RUBCN: variants seen among roughly 807,000 people sequenced by gnomAD.
RUBCN encodes run domain Beclin-1-interacting and cysteine-rich domain-containing protein.
In RUBCN, 74 loss-of-function variants were observed where a neutral mutation model predicts 113.2. The observed-to-expected ratio is 0.65, with a 90% confidence interval of 0.54 to 0.79. The LOEUF (loss-of-function observed/expected upper bound fraction) is 0.79, where lower values mean the gene tolerates loss of function less well. Ranked by LOEUF, RUBCN falls within the 30% of genes least tolerant of loss-of-function variation. RUBCN has a pLI of 0.00. For synonymous variants in RUBCN, 480 were observed against 490.0 expected (o/e 0.98, Z 0.27); for missense variants, 1,109 against 1,251.7 (o/e 0.89, Z 1.72).
chr3:197,725,497 C>T (rs1304495264), intron 1 of RUBCN, among the ~76,000 whole-genome samples: 1 of 144,920 alleles, frequency 6.9e-6, no homozygotes, highest in African/African-American at 2.5e-5. Context: ...CAGTCCCATA[C>T]ATTTCATGGC....
chr3:197,724,647 G>A (rs1390471528), intron 1 of RUBCN, among the ~76,000 whole-genome samples: 4 of 152,176 alleles, frequency 2.6e-5, no homozygotes, highest in Admixed American at 2.6e-4. Context: ...AGTGGAGGAA[G>A]AAAGATGTGA....
Position 197,670,859 on chromosome 3 carries a change from AC to A in RUBCN, c.*4158del, listed in dbSNP as rs1313654976. 6.6e-6 allele frequency among the ~76,000 whole-genome samples: 1 copy of A among 152,206 alleles called. No homozygotes were observed. Among genetic ancestry groups the A allele is most frequent in the Non-Finnish European group, 1.5e-5 (1 of 68,026 alleles). On this transcript the variant is annotated 3_prime_UTR_variant, in exon 20 of 20. Coordinates refer to ENST00000296343, the MANE Select transcript of RUBCN (RefSeq NM_014687.4). Reference sequence around the variant, plus strand: ...TGTGTCCTCTGATGATGACTGCTGGACAAACACAACAGGAGCAGTTGCAGAC... The same window carrying A: ...TGTGTCCTCTGATGATGACTGCTGGAAAACACAACAGGAGCAGTTGCAGAC...
Position 197,674,929 on chromosome 3 carries a change from A to T in RUBCN, c.*89T>A. The T allele has an allele frequency of 1.9e-6, 2 of 1,059,166 alleles. No individual in the cohort carries two copies. The highest frequency in any genetic ancestry group is 2.6e-6 in the Non-Finnish European group (2 of 755,230). The allele number at this position is 1,059,166 out of a possible 1,614,324, so 65.6% of individuals were successfully genotyped here. ...TAATTAAAAAAAAAAAAAAAAAAAG[A>T]AGCCCCAGGTGGGGCGAGTCCTTCA... On this transcript the variant is annotated 3_prime_UTR_variant, in exon 20 of 20. Transcript: ENST00000296343.
At chr3:197,687,673 GA>G (rs747745674) in intron 11 of RUBCN, among the ~76,000 whole-genome samples, 2 of 152,230 alleles carry the variant, frequency 1.3e-5, no homozygotes, top group African/African-American at 2.4e-5. Context: ...GCACCTGCCG[GA>G]AGAGCTTCCC....
intron 1 of RUBCN, among the ~76,000 whole-genome samples, chr3:197,745,697 T>G (rs988442050): frequency 1.3e-5 from 2 of 151,752 alleles, no homozygotes; most frequent in African/African-American, 4.8e-5. Context: ...GAAACATAGA[T>G]TTCTGTGCAC....
In RUBCN at chr3:197,676,984, C is replaced by T. The variant is rs1251996992; in HGVS notation, c.2547G>A (p.Leu849=). 1.4e-5 allele frequency: 22 copies of T among 1,614,122 alleles called. No individual in the cohort carries two copies. Among genetic ancestry groups the T allele is most frequent in the Non-Finnish European group, 1.9e-5 (22 of 1,180,036 alleles). The change falls in exon 18 of 20, where the codon CTG becomes CTA. Residue 849 remains leucine, a synonymous_variant. Coordinates refer to ENST00000296343, the MANE Select transcript of RUBCN (RefSeq NM_014687.4). The part of the protein sequence containing the change: ...VPGHLTEDLH[L]YSLNDLTATR... ...TCGCAGTCAGGTCATTCAGTGAGTA[C>T]AGGTGGAGGTCCTCTGTCAGGTGGC... is the stretch of plus-strand genomic sequence containing the variant.
Position 197,668,987 on chromosome 3 carries a change from T to G in RUBCN, c.*6031A>C, listed in dbSNP as rs760836090. Among the ~76,000 whole-genome samples, 1 of 148,192 alleles carries G rather than the reference T, an allele frequency of 6.7e-6. No individual in the cohort carries two copies. Among genetic ancestry groups the G allele is most frequent in the African/African-American group, 2.7e-5 (1 of 37,702 alleles). ...ACAGAACCACACTAATTTTTACGTATGTTTTCCTTATGTATTTTTTCTAAC... is the reference window on the plus strand; with the variant it reads ...ACAGAACCACACTAATTTTTACGTAGGTTTTCCTTATGTATTTTTTCTAAC... On this transcript the variant is annotated 3_prime_UTR_variant, in exon 20 of 20. Coordinates refer to ENST00000296343, the MANE Select transcript of RUBCN (RefSeq NM_014687.4).
At chr3:197,713,984 G>A (rs182889578) in intron 2 of RUBCN, among the ~76,000 whole-genome samples, 218 of 152,152 alleles carry the variant, frequency 1.4e-3, no homozygotes, top group Non-Finnish European at 2.1e-3. Flanking sequence ...GCTGAGGCAG[G>A]AGAATGGCGT....
chr3:197,738,485 T>C (rs944127236), upstream of RUBCN, among the ~76,000 whole-genome samples: 9 of 152,208 alleles, frequency 5.9e-5, no homozygotes, highest in Non-Finnish European at 1.2e-4. Context: ...TCATTTAGGT[T>C]AAAAAAATAC....
At chr3:197,740,043 G>GA (rs1385835092), upstream of RUBCN, among the ~76,000 whole-genome samples, 3 of 151,376 alleles carry the variant, frequency 2.0e-5, no homozygotes, top group Non-Finnish European at 2.9e-5. Context: ...GTCTTGGGGA[G>GA]AAAAAAAAGA....
At chr3:197,745,678 AC>A (rs1728714126) in intron 1 of RUBCN, among the ~76,000 whole-genome samples, 1 of 152,020 alleles carries the variant, frequency 6.6e-6, no homozygotes, top group Admixed American at 6.6e-5. Context: ...AGAGTTTACT[AC>A]CTTTGAAGAA....
At chr3:197,741,746 C>T (rs145851065), upstream of RUBCN, among the ~76,000 whole-genome samples, 1,530 of 151,866 alleles carry the variant, frequency 0.01, 28 homozygotes, top group East Asian at 0.048. Context: ...TCCCTTGAAC[C>T]CAGGAGGTGG....
chr3:197,681,720 C>T lies in RUBCN; in HGVS notation c.2191+115G>A. 2 of 899,686 alleles carry T rather than the reference C, an allele frequency of 2.2e-6. No individual in the cohort carries two copies. The highest frequency in any genetic ancestry group is 2.5e-4 in the Middle Eastern group (1 of 3,978). The allele number at this position is 899,686 out of a possible 1,614,324, so 55.7% of individuals were successfully genotyped here. ...CTACTACGAACCTTTCTTTCTCCTT[C>T]CCTACTTCTGCCACGCCACCTCCTG... On this transcript the variant is annotated intron_variant, in intron 15 of 19. Transcript: ENST00000296343. This position sits in a 1 kb window ranked among gnomAD's most constrained non-coding sequence, Gnocchi z 5.5.
chr3:197,676,277 T>G, intron 18 of RUBCN: 1 of 991,882 alleles, frequency 1.0e-6, no homozygotes, highest in African/African-American at 1.7e-5. Context: ...CGGCCGAGGG[T>G]AGACTCCCTC....
chr3:197,684,995 A>G (rs1362548413), intron 11 of RUBCN, among the ~76,000 whole-genome samples: 1 of 152,204 alleles, frequency 6.6e-6, no homozygotes, highest in Non-Finnish European at 1.5e-5. Context: ...ACTTCTCTAC[A>G]GCTTTGCAGC....
rs1720212158 is a variant in RUBCN, at chr3:197,675,131, G to T, written c.2806C>A (p.Gln936Lys). The T allele has an allele frequency of 2.5e-6, 4 of 1,613,800 alleles. No individual in the cohort carries two copies. Among genetic ancestry groups the T allele is most frequent in the East Asian group, 2.2e-5 (1 of 44,900 alleles). The part of the protein sequence containing the change: ...SGSCPRCERL[Q>K]ARREALARQS... The stretch of plus-strand genomic sequence containing the variant: ...CTGGCCAGTGCCTCCCGCCGGGCCT[G>T]CAGCCGCTCGCAGCGCGGACAGCTT... Residue 936 changes from glutamine (Q) to lysine (K), a missense_variant, in exon 20 of 20, where the codon CAG (glutamine) becomes AAG (lysine). This residue lies in a region of RUBCN where 306 missense variants were observed against 348.9 expected (regional missense o/e 0.88). Transcript: ENST00000296343. This position sits in a 1 kb window ranked among gnomAD's most constrained non-coding sequence, Gnocchi z 4.4.
At chr3:197,742,195 A>T (rs534220999) in intron 1 of RUBCN, among the ~76,000 whole-genome samples, 29 of 152,250 alleles carry the variant, frequency 1.9e-4, no homozygotes, top group African/African-American at 6.3e-4. Flanking sequence ...TGAAAATTTT[A>T]AAAATCTTAT....
intron 1 of RUBCN, among the ~76,000 whole-genome samples, chr3:197,731,504 G>A (rs1328254728): frequency 2.0e-5 from 3 of 152,232 alleles, no homozygotes; most frequent in Non-Finnish European, 4.4e-5. Context: ...TCAATGAGCT[G>A]TTGGGTACAC....
At chr3:197,711,698 C>A (rs1197321241) in intron 2 of RUBCN, among the ~76,000 whole-genome samples, 2 of 151,890 alleles carry the variant, frequency 1.3e-5, no homozygotes, top group African/African-American at 2.4e-5. Context: ...AAAAAAAATT[C>A]TCTGTAAGGA....
Sources: allele counts gnomAD v4.1 joint callset (sites outside exome capture counted in the v4.1 genomes callset), GRCh38; gene constraint gnomAD v4.1.1; regional missense constraint gnomAD v4.1.1; non-coding constraint Gnocchi (gnomAD v3.1); transcripts MANE v1.5; gene names NCBI Gene and HGNC (gene_info 2026-07-23, HGNC 2026-07-21).